SDCCAG8: variants seen among roughly 807,000 people sequenced by gnomAD.
SDCCAG8 encodes serologically defined colon cancer antigen 8.
SDCCAG8 carries 74 observed loss-of-function variants against 101.8 expected under a neutral mutation model. The observed-to-expected ratio is 0.73, with a 90% CI of 0.60 to 0.88. The LOEUF (loss-of-function observed/expected upper bound fraction) is 0.88, where lower values mean the gene tolerates loss of function less well. Ranked by LOEUF, SDCCAG8 falls within the 40% of genes least tolerant of loss-of-function variation. SDCCAG8 has a pLI of 0.00. For missense variants in SDCCAG8, 787 were observed against 822.6 expected (o/e 0.96, Z 0.53); for synonymous variants, 281 against 292.9 (o/e 0.96, Z 0.41).
At chr1:243,354,682 A>C (rs1467894370) in intron 12 of SDCCAG8, among the ~76,000 whole-genome samples, 1 of 152,144 alleles carries the variant, frequency 6.6e-6, no homozygotes, top group African/African-American at 2.4e-5. Flanking sequence ...CCACTAGAGA[A>C]ACGCACCATT....
intron 7 of SDCCAG8, chr1:243,307,691 A>T (rs1319665649): frequency 1.5e-6 from 2 of 1,301,814 alleles, no homozygotes; most frequent in African/African-American, 3.0e-5. Flanking sequence ...ACATTAATGG[A>T]GGTTGGATCC....
chr1:243,492,328 G>C (rs1439507974), intron 17 of SDCCAG8, among the ~76,000 whole-genome samples: 1 of 125,072 alleles, frequency 8.0e-6, no homozygotes, highest in African/African-American at 3.2e-5. Context: ...TTGAGACGGA[G>C]TCTTGCTCCG....
At chr1:243,282,252 TG>T (rs1168194564) in intron 4 of SDCCAG8, among the ~76,000 whole-genome samples, 2 of 152,168 alleles carry the variant, frequency 1.3e-5, no homozygotes, top group Non-Finnish European at 2.9e-5. Context: ...TGTTGTTATT[TG>T]CAGTAAATAT....
At chr1:243,428,827 A>G (rs1288820132) in intron 16 of SDCCAG8, among the ~76,000 whole-genome samples, 1 of 150,966 alleles carries the variant, frequency 6.6e-6, no homozygotes, top group African/African-American at 2.5e-5. Flanking sequence ...TACCGTGATA[A>G]TTTTGTAACC....
In SDCCAG8 at chr1:243,458,827, CCTGCCACTAAA is replaced by C. The variant is rs746554783; in HGVS notation, c.1986-30178_1986-30168del. On this transcript the variant is annotated intron_variant, in intron 16 of 17. Coordinates refer to ENST00000366541, the MANE Select transcript of SDCCAG8 (RefSeq NM_006642.5). The surrounding 1 kb of genome is among the most constrained non-coding windows in gnomAD (Gnocchi z 4.5). ...TTGTCAGTGATCTCTAAACGGCATT[CCTGCCACTAAA>C]CTGCCACTGTTTTCCTACAAGGGAC... 2.7e-3 allele frequency among the ~76,000 whole-genome samples: 409 copies of C among 152,342 alleles called. 1 individual carries two copies. The highest frequency in any genetic ancestry group is 4.2e-3 in the Non-Finnish European group (283 of 68,026).
rs758159096 is a variant in SDCCAG8, at chr1:243,492,611, T to TTG, written c.2112+3472_2112+3473insGT. Among the ~76,000 whole-genome samples the TTG allele has an allele frequency of 4.6e-3, 655 of 142,644 alleles. 8 individuals are homozygous for TTG. Among genetic ancestry groups the TTG allele is most frequent in the South Asian group, 8.5e-3 (37 of 4,328 alleles). The allele number at this position is 142,644 out of a possible 152,430, so 93.6% of individuals were successfully genotyped here. On this transcript the variant is annotated intron_variant, in intron 17 of 17. Transcript: ENST00000366541. ...GAGCCACTGCGCCCAGCTGTTTTTTTTTTTTTTTTTTTTTTTGATGAGTTT... is the reference window on the plus strand; with the variant it reads ...GAGCCACTGCGCCCAGCTGTTTTTTTTGTTTTTTTTTTTTTTTTGATGAGTTT...
intron 16 of SDCCAG8, among the ~76,000 whole-genome samples, chr1:243,461,983 A>C (rs1213680375): frequency 6.6e-6 from 1 of 152,214 alleles, no homozygotes; most frequent in Non-Finnish European, 1.5e-5. Context: ...ATCAGAGCTC[A>C]TAAGAGGTAC....
intron 8 of SDCCAG8, among the ~76,000 whole-genome samples, chr1:243,309,336 C>T (rs1312323181): frequency 6.6e-6 from 1 of 152,146 alleles, no homozygotes; most frequent in East Asian, 1.9e-4. Flanking sequence ...CATAGAGTTA[C>T]CTTGAGGGGT....
At chr1:243,381,958 G>T (rs2077984186) in intron 13 of SDCCAG8, among the ~76,000 whole-genome samples, 1 of 152,220 alleles carries the variant, frequency 6.6e-6, no homozygotes, top group African/African-American at 2.4e-5. Flanking sequence ...AGTCAGGGAG[G>T]TGGAGATATT....
At chr1:243,256,992 A>T (rs1390889864) in intron 1 of SDCCAG8, among the ~76,000 whole-genome samples, 2 of 152,232 alleles carry the variant, frequency 1.3e-5, no homozygotes, top group African/African-American at 2.4e-5. Context: ...GTTGGACTTA[A>T]TGTCTGTACT....
chr1:243,411,547 A>C (rs188191902), intron 13 of SDCCAG8, among the ~76,000 whole-genome samples: 1 of 152,200 alleles, frequency 6.6e-6, no homozygotes, highest in Admixed American at 6.6e-5. Flanking sequence ...ATAGAAGAAC[A>C]TTTATATCCA....
intron 8 of SDCCAG8, among the ~76,000 whole-genome samples, chr1:243,313,951 C>T (rs1199111298): frequency 6.6e-6 from 1 of 152,114 alleles, no homozygotes; most frequent in Non-Finnish European, 1.5e-5. Flanking sequence ...CAGATGGCCA[C>T]AGGAATGGAG....
rs1056949382 is a variant in SDCCAG8 at position 243,294,857 on chromosome 1, A to G, written c.675+1638A>G. Among the ~76,000 whole-genome samples, 6 of 152,274 alleles carry G rather than the reference A, an allele frequency of 3.9e-5. No individual in the cohort carries two copies. The East Asian group carries it at 9.7e-4, about 24-fold the overall frequency. On this transcript the variant is annotated intron_variant, in intron 6 of 17. Coordinates refer to ENST00000366541, the MANE Select transcript of SDCCAG8 (RefSeq NM_006642.5). ...AAGTCTTCTTTGCATTAAATTTGAC[A>G]TGTCAGAGTTGATCAACAATGATGA...
At chr1:243,479,598 C>A (rs1269611317) in intron 16 of SDCCAG8, among the ~76,000 whole-genome samples, 2 of 152,196 alleles carry the variant, frequency 1.3e-5, no homozygotes, top group African/African-American at 4.8e-5. Flanking sequence ...CATACAGAAA[C>A]AGGCAGTGGC....
chr1:243,450,579 G>A (rs1034648894), intron 16 of SDCCAG8, among the ~76,000 whole-genome samples: 1 of 152,190 alleles, frequency 6.6e-6, no homozygotes, highest in African/African-American at 2.4e-5. Context: ...CCCTGTTTTA[G>A]TAGAGATATG....
At chr1:243,459,847 C>T (rs979673789) in intron 16 of SDCCAG8, among the ~76,000 whole-genome samples, 2 of 152,144 alleles carry the variant, frequency 1.3e-5, no homozygotes, top group African/African-American at 2.4e-5. Flanking sequence ...TCAAGTGATC[C>T]TCCTGCCCAG....
chr1:243,492,878 A>G (rs932359075), intron 17 of SDCCAG8, among the ~76,000 whole-genome samples: 3 of 152,162 alleles, frequency 2.0e-5, no homozygotes, highest in African/African-American at 7.2e-5. Flanking sequence ...AAGTGCTGGC[A>G]TTACAGGCAT....
intron 13 of SDCCAG8, among the ~76,000 whole-genome samples, chr1:243,404,121 G>C (rs1014351873): frequency 2.6e-5 from 4 of 152,208 alleles, no homozygotes; most frequent in Non-Finnish European, 4.4e-5. Flanking sequence ...TACATGCGAA[G>C]GGATAAAGGC....
At chr1:243,359,648 G>A (rs2076583326) in intron 12 of SDCCAG8, among the ~76,000 whole-genome samples, 1 of 152,126 alleles carries the variant, frequency 6.6e-6, no homozygotes. Context: ...TGCCAGAAGT[G>A]GCTGTAAGGT....
Sources: allele counts gnomAD v4.1 joint callset (sites outside exome capture counted in the v4.1 genomes callset), GRCh38; gene constraint gnomAD v4.1.1; non-coding constraint Gnocchi (gnomAD v3.1); transcripts MANE v1.5; gene names NCBI Gene and HGNC (gene_info 2026-07-23, HGNC 2026-07-21).